SLC4A8: variants seen among roughly 807,000 people sequenced by gnomAD.
The protein encoded by SLC4A8 is electroneutral sodium bicarbonate exchanger 1.
In SLC4A8, 40 loss-of-function variants were observed where a neutral mutation model predicts 125.0. The observed-to-expected ratio is 0.32, with a 90% CI of 0.25 to 0.42. The LOEUF is 0.42. Among genes scored for constraint, SLC4A8 ranks in the 10% least tolerant of loss-of-function variants. The probability of loss-of-function intolerance (pLI) is 1.00; values close to 1 mark genes in which losing one functional copy is unlikely to be tolerated. For missense variants in SLC4A8, 863 were observed against 1,355.1 expected (o/e 0.64, Z 5.70); for synonymous variants, 456 against 476.0 (o/e 0.96, Z 0.55).
chr12:51,442,739 G>C (rs1423192702), intron 2 of SLC4A8, among the ~76,000 whole-genome samples: 1 of 152,158 alleles, frequency 6.6e-6, no homozygotes, highest in Admixed American at 6.5e-5. Context: ...TCTCAGGCCT[G>C]ATGTGGTTTC....
chr12:51,392,195 G>C (rs1445729114), intron 1 of SLC4A8: 1 of 152,360 alleles, frequency 6.6e-6, no homozygotes. Flanking sequence ...GAATGTACCG[G>C]GGAGGCAGCT....
intron 1 of SLC4A8, among the ~76,000 whole-genome samples, chr12:51,394,691 G>A (rs1948224451): frequency 6.6e-6 from 1 of 152,166 alleles, no homozygotes; most frequent in Non-Finnish European, 1.5e-5. Context: ...CCACTTGAGG[G>A]TGGAGGGTGG....
At chr12:51,416,360 A>T (rs1948687912) in intron 1 of SLC4A8, among the ~76,000 whole-genome samples, 2 of 152,058 alleles carry the variant, frequency 1.3e-5, no homozygotes, top group African/African-American at 4.8e-5. Flanking sequence ...TAAGGACAAT[A>T]GGCTGGGCAC....
At chr12:51,457,786 G>A (rs548694248) in intron 6 of SLC4A8, among the ~76,000 whole-genome samples, 2 of 152,294 alleles carry the variant, frequency 1.3e-5, no homozygotes, top group East Asian at 3.9e-4. Context: ...GGTGGCCTCA[G>A]AACTGATGTA....
chr12:51,492,569 A>T (rs1951346101), intron 19 of SLC4A8, among the ~76,000 whole-genome samples: 1 of 152,214 alleles, frequency 6.6e-6, no homozygotes, highest in South Asian at 2.1e-4. Flanking sequence ...CTTCAGGACA[A>T]TTCTCTTAGG....
chr12:51,513,588 G>GA lies in SLC4A8; in HGVS notation c.*6150_*6151insA. 1 of 152,288 alleles carries GA rather than the reference G, an allele frequency of 6.6e-6. No homozygotes were observed. Among genetic ancestry groups the GA allele is most frequent in the Admixed American group, 6.5e-5 (1 of 15,282 alleles). The allele number at this position is 152,288 out of a possible 1,614,324, so 9.4% of individuals were successfully genotyped here. On this transcript the variant is annotated 3_prime_UTR_variant, in exon 25 of 25. Coordinates refer to ENST00000453097, the MANE Select transcript of SLC4A8 (RefSeq NM_001039960.3). ...TCCTGCCTCAGCCTCCTGAGTAGCT[G>GA]GGACTATAGGCGCGCACCACCATGC...
intron 23 of SLC4A8, among the ~76,000 whole-genome samples, chr12:51,504,845 G>A (rs938633941): frequency 2.6e-5 from 4 of 152,136 alleles, no homozygotes; most frequent in Non-Finnish European, 5.9e-5. Context: ...AGCTAAATTG[G>A]TCCATTCATG....
intron 6 of SLC4A8, 71 bp downstream of exon 6, chr12:51,457,610 C>G (rs922314497): frequency 2.9e-6 from 4 of 1,396,984 alleles, no homozygotes; most frequent in Admixed American, 1.9e-5. Flanking sequence ...TGCTGACTTA[C>G]TAGGGGTGGG....
chr12:51,508,458 A>T lies in SLC4A8; in HGVS notation c.*1020A>T, dbSNP rs1161343417. The T allele has an allele frequency of 6.6e-6, 1 of 152,592 alleles. No individual in the cohort carries two copies. Among genetic ancestry groups the T allele is most frequent in the Non-Finnish European group, 1.5e-5 (1 of 68,038 alleles). The allele number at this position is 152,592 out of a possible 1,614,324, so 9.5% of individuals were successfully genotyped here. A position where few individuals can be genotyped will look rare whatever the true frequency, so the allele number is the denominator to read the frequency against. On this transcript the variant is annotated 3_prime_UTR_variant, in exon 25 of 25. Coordinates refer to ENST00000453097, the MANE Select transcript of SLC4A8 (RefSeq NM_001039960.3). ...TCTCTTGAGGATACATTCCAATTCC[A>T]TCCTGGCGAGATCCAAGTGCTTACG...
chr12:51,402,365 C>A (rs147461537), intron 1 of SLC4A8, among the ~76,000 whole-genome samples: 2 of 152,300 alleles, frequency 1.3e-5, no homozygotes, highest in African/African-American at 2.4e-5. Flanking sequence ...CTGATGGGCT[C>A]TCTATGGTGT....
intron 1 of SLC4A8, among the ~76,000 whole-genome samples, chr12:51,408,622 G>T (rs1948539352): frequency 6.6e-6 from 1 of 152,184 alleles, no homozygotes; most frequent in African/African-American, 2.4e-5. Flanking sequence ...GCTGCTCAGG[G>T]GCGACAGCGC....
intron 24 of SLC4A8, among the ~76,000 whole-genome samples, chr12:51,506,139 G>A (rs577753955): frequency 2.0e-5 from 3 of 152,288 alleles, no homozygotes; most frequent in South Asian, 2.1e-4. Flanking sequence ...TAAGCAGCCC[G>A]TTTACACAGG....
At chr12:51,413,488 C>G (rs1228487647) in intron 1 of SLC4A8, among the ~76,000 whole-genome samples, 1 of 152,094 alleles carries the variant, frequency 6.6e-6, no homozygotes, top group Non-Finnish European at 1.5e-5. Flanking sequence ...AAATATTTTG[C>G]CTAGATCCAT....
At chr12:51,417,666 C>T (rs985188175) in intron 1 of SLC4A8, among the ~76,000 whole-genome samples, 5 of 152,114 alleles carry the variant, frequency 3.3e-5, no homozygotes, top group African/African-American at 7.2e-5. Context: ...TACAGGCATG[C>T]GCCACCACAC....
intron 1 of SLC4A8, among the ~76,000 whole-genome samples, chr12:51,404,045 G>A (rs1413252882): frequency 6.6e-6 from 1 of 152,160 alleles, no homozygotes; most frequent in African/African-American, 2.4e-5. Flanking sequence ...GGTAGACAAG[G>A]GAAGTAGGCT....
intron 1 of SLC4A8, among the ~76,000 whole-genome samples, chr12:51,399,296 A>C (rs1383629068): frequency 6.6e-6 from 1 of 152,178 alleles, no homozygotes; most frequent in Non-Finnish European, 1.5e-5. Flanking sequence ...AAAAAATCTA[A>C]AGCTCAAAAG....
chr12:51,423,442 G>T (rs1592156631), upstream of SLC4A8, among the ~76,000 whole-genome samples: 1 of 152,164 alleles, frequency 6.6e-6, no homozygotes, highest in African/African-American at 2.4e-5. Context: ...AAGATGACAG[G>T]ATTAGTAAAG....
chr12:51,480,606 C>T, intron 16 of SLC4A8: 6 of 985,398 alleles, frequency 6.1e-6, no homozygotes, highest in Non-Finnish European at 7.2e-6. Context: ...CTTTGGAAAA[C>T]ATAATGTGTC....
intron 1 of SLC4A8, among the ~76,000 whole-genome samples, chr12:51,409,240 T>A (rs1420981831): frequency 6.6e-6 from 1 of 152,186 alleles, no homozygotes; most frequent in Non-Finnish European, 1.5e-5. Flanking sequence ...AGTTATTCAA[T>A]CTATTCAAGA....
Sources: gnomAD v4.1 joint callset for allele counts (sites outside exome capture counted in the v4.1 genomes callset) on GRCh38, gnomAD v4.1.1 for gene constraint, MANE v1.5 for transcripts, NCBI Gene and HGNC (gene_info 2026-07-23, HGNC 2026-07-21) for gene names.